Variants in CCDC175 observed in about 807,000 individuals in gnomAD.
The protein encoded by CCDC175 is coiled-coil domain containing 175, also known as coiled-coil domain-containing protein 175.
CCDC175 carries 100 observed loss-of-function variants against 114.6 expected under a neutral mutation model. That is an observed-to-expected ratio of 0.87 (90% CI 0.74 to 1.03). CCDC175 has a LOEUF of 1.03. Ranked by LOEUF, CCDC175 falls within the 50% of genes least tolerant of loss-of-function variation. The pLI, the probability that CCDC175 is intolerant of heterozygous loss-of-function variation, is 0.00. For synonymous variants in CCDC175, 306 were observed against 308.7 expected, an observed-to-expected ratio of 0.99 and a Z score of 0.09; for missense variants, 880 against 917.8, an observed-to-expected ratio of 0.96 and a Z score of 0.53.
chr14:59,510,794 A>G lies in CCDC175; in HGVS notation c.2157T>C (p.Asn719=), dbSNP rs1892694493. 1.3e-6 allele frequency: 2 copies of G among 1,536,824 alleles called. No individual in the cohort carries two copies. Among genetic ancestry groups the G allele is most frequent in the Non-Finnish European group, 1.7e-6 (2 of 1,146,616 alleles). ...FQTTVKILVD[N]GEETLQDINN... is the part of the protein sequence containing the mutation. ...TTATGTCTTGCAAGGTCTCTTCACC[A>G]TTGTCCACCAAGATCTAAAGAAATG... Residue 719 remains asparagine, a synonymous_variant, in exon 19 of 20, where the codon AAT becomes AAC. Coordinates refer to ENST00000537690, the MANE Select transcript of CCDC175 (RefSeq NM_001164399.2).
chr14:59,573,894 C>G (rs910218887), intron 2 of CCDC175, among the ~76,000 whole-genome samples: 1 of 152,244 alleles, frequency 6.6e-6, no homozygotes, highest in Admixed American at 6.5e-5. Context: ...GGATTACAGG[C>G]GTGAGCCACC....
At chr14:59,542,867 A>T (rs943388740) in intron 10 of CCDC175, among the ~76,000 whole-genome samples, 4 of 152,140 alleles carry the variant, frequency 2.6e-5, no homozygotes, top group Non-Finnish European at 4.4e-5. Flanking sequence ...ATACATACAT[A>T]TAAATATATA....
At chr14:59,562,826 T>C (rs964676391) in intron 6 of CCDC175, among the ~76,000 whole-genome samples, 1 of 152,204 alleles carries the variant, frequency 6.6e-6, no homozygotes, top group Non-Finnish European at 1.5e-5. Context: ...TATTTTCCTA[T>C]AGGCTTAGTG....
intron 7 of CCDC175, among the ~76,000 whole-genome samples, chr14:59,552,553 C>T (rs1271464672): frequency 2.0e-5 from 3 of 152,156 alleles, no homozygotes; most frequent in Non-Finnish European, 2.9e-5. Flanking sequence ...TTCTAAAAAT[C>T]AGAGCACCTC....
At chr14:59,557,231 G>T in intron 7 of CCDC175, among the ~76,000 whole-genome samples, 1 of 152,070 alleles carries the variant, frequency 6.6e-6, no homozygotes, top group Non-Finnish European at 1.5e-5. Flanking sequence ...GTCCATCAAT[G>T]ATAGACTGGA....
chr14:59,568,534 A>G (rs1374169119), intron 3 of CCDC175, among the ~76,000 whole-genome samples, 154 bp from the exon 4 acceptor site: 1 of 152,064 alleles, frequency 6.6e-6, no homozygotes, highest in Non-Finnish European at 1.5e-5. Flanking sequence ...AATCTTACCT[A>G]CTAATTATTT....
At position 59,527,119 on chromosome 14, in the gene CCDC175, G is replaced by A. The variant is rs2139995774; in HGVS notation, c.1818C>T (p.Asp606=). The A allele has an allele frequency of 6.7e-7, 1 of 1,484,736 alleles. No individual in the cohort carries two copies. The highest frequency in any genetic ancestry group is 2.6e-5 in the East Asian group (1 of 38,698). The allele number at this position is 1,484,736 out of a possible 1,614,324, so 92.0% of individuals were successfully genotyped here. A position where few individuals can be genotyped will look rare whatever the true frequency, so the allele number is the denominator to read the frequency against. The part of the protein sequence containing the change: ...LNNHIFLFTR[D]FSRYISNMED... ...CCATGTTGCTAATGTATCTTGAAAA[G>A]TCCCTTGTAAACAGAAAAATGTGAT... The change falls in exon 15 of 20, where the codon GAC becomes GAT. Residue 606 remains aspartate (D), a synonymous_variant. Transcript: ENST00000537690.
chr14:59,521,775 G>T, intron 16 of CCDC175, 99 bp from the exon 17 acceptor site: 2 of 680,404 alleles, frequency 2.9e-6, no homozygotes, highest in South Asian at 3.6e-5. Context: ...CCTCCTCTGC[G>T]CCACCCACTA....
intron 13 of CCDC175, among the ~76,000 whole-genome samples, chr14:59,535,770 GGGTGTGCCTGA>G (rs1262762067): frequency 6.6e-6 from 1 of 152,246 alleles, no homozygotes; most frequent in Non-Finnish European, 1.5e-5. Context: ...TGGCCTATAA[GGGTGTGCCTGA>G]TGCTCCACTT....
chr14:59,560,280 C>G (rs1896151084), intron 7 of CCDC175, among the ~76,000 whole-genome samples: 1 of 152,044 alleles, frequency 6.6e-6, no homozygotes, highest in Non-Finnish European at 1.5e-5. Flanking sequence ...TAACAAGATT[C>G]TACATGTGAG....
At chr14:59,507,461 TAATG>T (rs1186742774) in intron 19 of CCDC175, among the ~76,000 whole-genome samples, 1 of 152,206 alleles carries the variant, frequency 6.6e-6, no homozygotes, top group Non-Finnish European at 1.5e-5. Context: ...TGCCCAATGT[TAATG>T]AAGCTAGTGC....
intron 7 of CCDC175, among the ~76,000 whole-genome samples, chr14:59,552,039 G>C (rs1895537078): frequency 6.6e-6 from 1 of 152,006 alleles, no homozygotes; most frequent in South Asian, 2.1e-4. Flanking sequence ...TCCAACTCTG[G>C]GGGCAGGACA....
chr14:59,536,727 T>C (rs1894421369), intron 13 of CCDC175, among the ~76,000 whole-genome samples: 1 of 152,146 alleles, frequency 6.6e-6, no homozygotes, highest in Admixed American at 6.6e-5. Flanking sequence ...AATTTTCCTT[T>C]GTACTGCTAT....
intron 8 of CCDC175, among the ~76,000 whole-genome samples, chr14:59,547,925 GC>G (rs1423223592): frequency 1.3e-5 from 2 of 152,028 alleles, no homozygotes; most frequent in East Asian, 3.9e-4. Context: ...TAATAACAAA[GC>G]TAAATCCAAC....
Position 59,561,189 on chromosome 14 carries a change from C to G in CCDC175, c.883G>C (p.Glu295Gln), listed in dbSNP as rs112952088. The G allele has an allele frequency of 7.2e-6, 11 of 1,534,950 alleles. No homozygotes were observed. The Admixed American group carries it at 2.2e-4, about 30-fold the overall frequency. The change falls in exon 7 of 20, where the codon GAA (glutamate) becomes CAA (glutamine). Residue 295 changes from glutamate (E) to glutamine (Q), a missense_variant. By Grantham distance (29) the Glu-to-Gln change is conservative. Coordinates refer to ENST00000537690, the MANE Select transcript of CCDC175 (RefSeq NM_001164399.2). ...DHNLEIARLH[E>Q]SIRYWEQEVS... ...TCTTGTTCCCAATACCTTATTGATT[C>G]GTGTAGTCGTGCTATCTCTAAATTG...
chr14:59,540,378 C>A (rs960740369), intron 11 of CCDC175, among the ~76,000 whole-genome samples: 2 of 152,192 alleles, frequency 1.3e-5, no homozygotes, highest in South Asian at 4.1e-4. Flanking sequence ...TGTCACCTCC[C>A]CTACTGGTTC....
intron 7 of CCDC175, among the ~76,000 whole-genome samples, chr14:59,557,180 G>A (rs911226178): frequency 5.3e-5 from 8 of 151,996 alleles, no homozygotes; most frequent in South Asian, 2.1e-4. Flanking sequence ...TGTTTATTGC[G>A]GCACTATTCA....
chr14:59,521,452 T>C (rs1206137519), intron 17 of CCDC175, 122 bp downstream of exon 17: 1 of 599,240 alleles, frequency 1.7e-6, no homozygotes, highest in African/African-American at 1.9e-5. Context: ...ATCATGGGAC[T>C]TTACCTTGTG....
rs1489585617 is a variant in CCDC175 at position 59,572,828 on chromosome 14, T to C, written c.244-15A>G. On this transcript the variant is annotated splice_polypyrimidine_tract_variant and intron_variant, in intron 2 of 19. Coordinates refer to ENST00000537690, the MANE Select transcript of CCDC175 (RefSeq NM_001164399.2). ...CTCATTTCTTCCTGAAAATTTAAAT[T>C]ACATTTTTAAAAAGTTAAGACACTA... 4 of 1,458,096 alleles carry C rather than the reference T, an allele frequency of 2.7e-6. No homozygotes were observed. The East Asian group carries it at 7.7e-5, about 28-fold the overall frequency. 90.3% of individuals were successfully genotyped at this position (1,458,096 alleles called of 1,614,324 possible).
Sources: allele counts gnomAD v4.1 joint callset (sites outside exome capture counted in the v4.1 genomes callset), GRCh38; gene constraint gnomAD v4.1.1; transcripts MANE v1.5; gene names NCBI Gene and HGNC (gene_info 2026-07-23, HGNC 2026-07-21).